Variants in TNFSF8 observed in about 807,000 individuals in gnomAD.
The protein encoded by TNFSF8 is tumor necrosis factor ligand superfamily member 8.
In TNFSF8, 4 loss-of-function variants were observed where a neutral mutation model predicts 22.0. That is an observed-to-expected ratio of 0.18 (90% CI 0.09 to 0.42). The LOEUF is 0.42. TNFSF8 is among the 10% of genes least tolerant of loss of function. The pLI is 1.00. For missense variants in TNFSF8, 233 were observed against 281.8 expected (o/e 0.83, Z 1.24); for synonymous variants, 106 against 112.5 (o/e 0.94, Z 0.37).
At chr9:114,925,798 A>G (rs1260566520) in intron 1 of TNFSF8, among the ~76,000 whole-genome samples, 2 of 152,158 alleles carry the variant, frequency 1.3e-5, no homozygotes, top group Non-Finnish European at 2.9e-5. Flanking sequence ...ACCTTTTGGA[A>G]TGTAACCCTT....
intron 1 of TNFSF8, among the ~76,000 whole-genome samples, chr9:114,927,009 TATA>T (rs57900008): frequency 0.16 from 22,925 of 141,292 alleles, 4,809 homozygotes; most frequent in African/African-American, 0.48. Context: ...ATGTTTATTT[TATA>T]ATATATTTAT....
intron 1 of TNFSF8, among the ~76,000 whole-genome samples, chr9:114,927,765 T>G (rs1828081774): frequency 6.6e-6 from 1 of 152,134 alleles, no homozygotes; most frequent in Non-Finnish European, 1.5e-5. Context: ...ACATACAGAG[T>G]GCTAATTGAC....
chr9:114,893,969 T>C, exon 5 of TNFSF8: 3 of 864,090 alleles, frequency 3.5e-6, no homozygotes, highest in Non-Finnish European at 5.5e-6. Flanking sequence ...CCTGGCTATG[T>C]CGGTTTAGGC....
chr9:114,904,628 A>G (rs1463898477), intron 3 of TNFSF8, among the ~76,000 whole-genome samples: 4 of 152,198 alleles, frequency 2.6e-5, no homozygotes, highest in Admixed American at 2.0e-4. Flanking sequence ...ATATTATTCT[A>G]TGATGAATAT....
At chr9:114,905,247 A>G (rs1827770565) in intron 3 of TNFSF8, among the ~76,000 whole-genome samples, 1 of 152,240 alleles carries the variant, frequency 6.6e-6, no homozygotes, top group Non-Finnish European at 1.5e-5. Context: ...ATGGCTATTC[A>G]GAGAATCTTG....
chr9:114,921,778 G>C (rs1035640442), intron 1 of TNFSF8, among the ~76,000 whole-genome samples: 1 of 152,148 alleles, frequency 6.6e-6, no homozygotes, highest in Non-Finnish European at 1.5e-5. Flanking sequence ...CAAACAAATG[G>C]ACTCTCCCAG....
downstream of TNFSF8, among the ~76,000 whole-genome samples, chr9:114,897,945 A>C (rs904657829): frequency 1.3e-5 from 2 of 152,080 alleles, no homozygotes; most frequent in Non-Finnish European, 2.9e-5. Context: ...GACATTGGCC[A>C]TGCTCCTCAA....
downstream of TNFSF8, among the ~76,000 whole-genome samples, chr9:114,900,028 A>G (rs987734114): frequency 3.9e-5 from 6 of 152,264 alleles, no homozygotes; most frequent in African/African-American, 2.4e-5. Context: ...ATGTTCTTGC[A>G]TAGAAGAATG....
downstream of TNFSF8, among the ~76,000 whole-genome samples, chr9:114,898,909 C>T (rs1827684360): frequency 6.6e-6 from 1 of 152,032 alleles, no homozygotes; most frequent in Non-Finnish European, 1.5e-5. Flanking sequence ...GAAGCCTGCC[C>T]CTCTAGAACC....
chr9:114,923,787 G>A (rs1333773563), intron 1 of TNFSF8, among the ~76,000 whole-genome samples: 1 of 151,778 alleles, frequency 6.6e-6, no homozygotes, highest in Non-Finnish European at 1.5e-5. Context: ...CAAAGTGTTG[G>A]GATTACAGGC....
rs200008266 is a variant in TNFSF8, at chr9:114,906,271, G to GA, written c.239-373dup. ...ATTATTAAGCCCCTTTTACAGATGG[G>GA]AAAAAAATCTGGGGGCCACGCAGGT... is the stretch of plus-strand genomic sequence containing the variant. On this transcript the variant is annotated intron_variant, in intron 2 of 3. Transcript: ENST00000223795. Among the ~76,000 whole-genome samples, 484 of 152,220 alleles carry GA rather than the reference G, an allele frequency of 3.2e-3. 3 individuals are homozygous for GA. Among genetic ancestry groups the GA allele is most frequent in the Admixed American group, 7.3e-3 (112 of 15,286 alleles).
chr9:114,913,411 T>C (rs1484439494), intron 2 of TNFSF8, among the ~76,000 whole-genome samples: 1 of 152,294 alleles, frequency 6.6e-6, no homozygotes, highest in East Asian at 1.9e-4. Context: ...CCATGGACCA[T>C]GTTTCCCCTC....
chr9:114,914,316 C>T (rs1449249939), intron 2 of TNFSF8, among the ~76,000 whole-genome samples: 1 of 152,170 alleles, frequency 6.6e-6, no homozygotes, highest in South Asian at 2.1e-4. Context: ...CACTGCCCTA[C>T]CAGCTTCTCT....
chr9:114,901,242 C>T lies in TNFSF8; in HGVS notation c.*2689G>A, dbSNP rs1372693959. 1 of 985,284 alleles carries T rather than the reference C, an allele frequency of 1.0e-6. No homozygotes were observed. Among genetic ancestry groups the T allele is most frequent in the Non-Finnish European group, 1.2e-6 (1 of 829,926 alleles). 61.0% of individuals were successfully genotyped at this position (985,284 alleles called of 1,614,324 possible). On this transcript the variant is annotated 3_prime_UTR_variant, in exon 4 of 4. Transcript: ENST00000223795. ...ACATTCCCAGGGGCTGGTTAACCCT[C>T]AAGAGTAACAGAATTTAGTTTTAAA... is the stretch of plus-strand genomic sequence containing the variant.
chr9:114,929,905 A>AT lies in TNFSF8; in HGVS notation c.195+203dup, dbSNP rs1828114823. Among the ~76,000 whole-genome samples, 6 of 147,772 alleles carry AT rather than the reference A, an allele frequency of 4.1e-5. No individual in the cohort carries two copies. The South Asian group carries it at 8.4e-4, about 21-fold the overall frequency. ...TATATATATATATAATATATACTGTATAATATAATATATATTATGTAACAT... is the reference window on the plus strand; with the variant it reads ...TATATATATATATAATATATACTGTATTAATATAATATATATTATGTAACAT... On this transcript the variant is annotated intron_variant, in intron 1 of 3. Transcript: ENST00000223795.
chr9:114,927,918 C>T (rs1020580887), intron 1 of TNFSF8, among the ~76,000 whole-genome samples: 1 of 152,026 alleles, frequency 6.6e-6, no homozygotes, highest in Admixed American at 6.6e-5. Context: ...TACATTCCAT[C>T]TTCCTATAGG....
At chr9:114,909,675 G>A (rs540333401) in intron 2 of TNFSF8, among the ~76,000 whole-genome samples, 3 of 152,292 alleles carry the variant, frequency 2.0e-5, no homozygotes, top group Admixed American at 1.3e-4. Context: ...TGGTGGGGGT[G>A]GGAAGGTTTG....
At chr9:114,900,811 G>A (rs567787664), downstream of TNFSF8, among the ~76,000 whole-genome samples, 5 of 152,202 alleles carry the variant, frequency 3.3e-5, no homozygotes, top group African/African-American at 4.8e-5. Flanking sequence ...GTGAAATCCC[G>A]TCTCTACTAA....
At position 114,901,376 on chromosome 9, in the gene TNFSF8, G is replaced by A. The variant is rs1437797201; in HGVS notation, c.*2555C>T. The A allele has an allele frequency of 2.0e-6, 2 of 985,198 alleles. No homozygotes were observed. The highest frequency in any genetic ancestry group is 2.4e-6 in the Non-Finnish European group (2 of 829,908). The allele number at this position is 985,198 out of a possible 1,614,324, so 61.0% of individuals were successfully genotyped here. A position where few individuals can be genotyped will look rare whatever the true frequency, so the allele number is the denominator to read the frequency against. ...TTCATTTAAATGATGTACCCCTTGT[G>A]TCTTTAGGTGTTGGCTTTCTTAGCA... On this transcript the variant is annotated 3_prime_UTR_variant, in exon 4 of 4. Transcript: ENST00000223795.
Sources: allele counts gnomAD v4.1 joint callset (sites outside exome capture counted in the v4.1 genomes callset), GRCh38; gene constraint gnomAD v4.1.1; transcripts MANE v1.5; gene names NCBI Gene and HGNC (gene_info 2026-07-23, HGNC 2026-07-21).